Variants in TUBGCP3 observed in about 807,000 individuals in gnomAD.
TUBGCP3 encodes gamma-tubulin complex component 3.
A neutral mutation model predicts 123.1 loss-of-function variants in TUBGCP3; 50 were observed. The observed-to-expected ratio is 0.41, with a 90% CI of 0.32 to 0.51. The LOEUF is 0.51. Among genes scored for constraint, TUBGCP3 ranks in the 20% least tolerant of loss-of-function variants. The pLI, the probability that TUBGCP3 is intolerant of heterozygous loss-of-function variation, is 0.36. For missense variants in TUBGCP3, 882 were observed against 1,127.0 expected, an observed-to-expected ratio of 0.78 and a Z score of 3.11; for synonymous variants, 405 against 413.9, an observed-to-expected ratio of 0.98 and a Z score of 0.26.
intron 20 of TUBGCP3, among the ~76,000 whole-genome samples, chr13:112,495,553 A>G (rs748104292): frequency 6.6e-5 from 10 of 152,222 alleles, no homozygotes; most frequent in African/African-American, 9.6e-5. Context: ...ATGAATTACA[A>G]TATCTTTATT....
chr13:112,592,109 C>T (rs1250025529), upstream of TUBGCP3, among the ~76,000 whole-genome samples: 2 of 152,140 alleles, frequency 1.3e-5, no homozygotes, highest in Non-Finnish European at 2.9e-5. This position sits in a 1 kb window ranked among gnomAD's most constrained non-coding sequence, Gnocchi z 4.1. Flanking sequence ...GTGATAATGA[C>T]CTATGGCCAT....
intron 13 of TUBGCP3, among the ~76,000 whole-genome samples, chr13:112,523,543 A>G (rs1876799607): frequency 6.6e-6 from 1 of 152,222 alleles, no homozygotes; most frequent in Admixed American, 6.5e-5. Flanking sequence ...GAACCCCTTG[A>G]TGAGCTCACC....
rs995485619 is a variant in TUBGCP3, at chr13:112,524,290, C to CT, written c.1556-1782dup. Among the ~76,000 whole-genome samples the CT allele has an allele frequency of 1.7e-4, 26 of 152,110 alleles. No homozygotes were observed. The highest frequency in any genetic ancestry group is 3.2e-3 in the Middle Eastern group (1 of 316). On this transcript the variant is annotated intron_variant, in intron 13 of 21. Coordinates refer to ENST00000261965, the MANE Select transcript of TUBGCP3 (RefSeq NM_006322.6). This position sits in a 1 kb window ranked among gnomAD's most constrained non-coding sequence, Gnocchi z 4.4. ...TTTTGTGTATTTTTTTAGTGGCTGC[C>CT]TTTTTTTAAGTGTTTTTGATCCTCA...
At chr13:112,503,206 A>G (rs1324263078) in intron 19 of TUBGCP3, among the ~76,000 whole-genome samples, 1 of 152,226 alleles carries the variant, frequency 6.6e-6, no homozygotes, top group Non-Finnish European at 1.5e-5. Context: ...ATTTGCTTCA[A>G]GTGAAAGCAA....
chr13:112,580,342 TAA>T (rs1566594698), intron 1 of TUBGCP3, among the ~76,000 whole-genome samples: 2 of 151,726 alleles, frequency 1.3e-5, no homozygotes, highest in Non-Finnish European at 2.9e-5. Flanking sequence ...TTTCTATCAT[TAA>T]AAAAAAGTCA....
At chr13:112,498,811 C>T (rs1880692991) in intron 20 of TUBGCP3, 2 of 1,557,688 alleles carry the variant, frequency 1.3e-6, no homozygotes, top group Admixed American at 1.9e-5. Flanking sequence ...TTGTAATTCT[C>T]ATGAATGCTG....
At chr13:112,549,837 A>G (rs1566569656) in intron 8 of TUBGCP3, among the ~76,000 whole-genome samples, 1 of 151,814 alleles carries the variant, frequency 6.6e-6, no homozygotes, top group Non-Finnish European at 1.5e-5. Context: ...AAAAATACCA[A>G]AAATTAGCCG....
chr13:112,489,582 T>A lies in TUBGCP3; in HGVS notation c.2564A>T (p.Gln855Leu). The A allele has an allele frequency of 6.2e-7, 1 of 1,608,926 alleles. No individual in the cohort carries two copies. Among genetic ancestry groups the A allele is most frequent in the Non-Finnish European group, 8.5e-7 (1 of 1,175,184 alleles). ...GCCACTCTGTATCCTCATACACACC[T>A]GGTAGAAATGGGTCAATATTCGCAA... The part of the protein sequence containing the change: ...SQLRILTHFY[Q>L]GIVQQFLVLL... Residue 855 changes from glutamine (Q) to leucine (L), a missense_variant and splice_region_variant, in exon 21 of 22, where the codon CAG becomes CTG. Transcript: ENST00000261965.
chr13:112,523,053 T>C (rs1024891849), intron 13 of TUBGCP3, among the ~76,000 whole-genome samples: 11 of 152,196 alleles, frequency 7.2e-5, no homozygotes, highest in African/African-American at 2.7e-4. Flanking sequence ...GAAGAAAGCA[T>C]TTCCATAGCT....
chr13:112,565,158 C>T lies in TUBGCP3; in HGVS notation c.205G>A (p.Ala69Thr). The change falls in exon 3 of 22, where the codon GCA (alanine) becomes ACA (threonine). Residue 69 changes from alanine (A) to threonine (T), a missense_variant. Around this residue, in one of 3 missense-constraint regions of TUBGCP3, gnomAD observed 713 missense variants for 874.0 expected, o/e 0.82. Coordinates refer to ENST00000261965, the MANE Select transcript of TUBGCP3 (RefSeq NM_006322.6). ...AGTTCTGAAAATAATGCAGCATCTG[C>T]TTCTCTTCGTTGTCGAATAACTGAA... ...KKELIRQRREADAALFSELHR... is the reference protein window; with the variant it reads ...KKELIRQRRETDAALFSELHR... 1.2e-6 allele frequency: 2 copies of T among 1,613,492 alleles called. No individual in the cohort carries two copies. The highest frequency in any genetic ancestry group is 1.3e-5 in the African/African-American group (1 of 75,054).
chr13:112,562,663 G>C (rs1880609689), intron 3 of TUBGCP3, among the ~76,000 whole-genome samples: 1 of 152,126 alleles, frequency 6.6e-6, no homozygotes, highest in Non-Finnish European at 1.5e-5. Context: ...GAGGAAACCA[G>C]ATCATTCCCA....
intron 11 of TUBGCP3, among the ~76,000 whole-genome samples, chr13:112,530,620 T>C (rs1024697968): frequency 6.6e-6 from 1 of 152,216 alleles, no homozygotes; most frequent in Non-Finnish European, 1.5e-5. Flanking sequence ...TGTGTGGATT[T>C]TGGGATCCAC....
chr13:112,571,921 C>G (rs1463413343), intron 1 of TUBGCP3, among the ~76,000 whole-genome samples: 1 of 152,212 alleles, frequency 6.6e-6, no homozygotes, highest in Non-Finnish European at 1.5e-5. Context: ...TTCCTCACCT[C>G]TCTCAGCCTT....
At chr13:112,498,915 C>T (rs761086576) in intron 20 of TUBGCP3, 130 bp downstream of exon 20, 38 of 1,613,728 alleles carry the variant, frequency 2.4e-5, no homozygotes, top group Non-Finnish European at 2.7e-5. Context: ...GGACTTCAAA[C>T]GCAGTATAGG....
rs575304006 is a variant in TUBGCP3, at chr13:112,540,631, G to A, written c.1335+5068C>T. ...GGTGGTCTTGGGAAAGGACACCTGG[G>A]AATGAGGACGTCAATGTAGTAGCCC... On this transcript the variant is annotated intron_variant, in intron 11 of 21. Transcript: ENST00000261965. 4.6e-5 allele frequency among the ~76,000 whole-genome samples: 7 copies of A among 151,110 alleles called. No homozygotes were observed. In the East Asian group the frequency reaches 1.2e-3, roughly 25 times the overall value.
Position 112,516,612 on chromosome 13 carries a change from C to T in TUBGCP3, c.1951-37G>A, listed in dbSNP as rs1334909334. The T allele has an allele frequency of 3.1e-6, 5 of 1,601,566 alleles. No homozygotes were observed. In the Admixed American group the frequency reaches 8.5e-5, roughly 27 times the overall value. On this transcript the variant is annotated intron_variant, in intron 16 of 21. Coordinates refer to ENST00000261965, the MANE Select transcript of TUBGCP3 (RefSeq NM_006322.6). ...GCAGAAGACAAGTTGATAGTATTCC[C>T]ACGTAAGAATCCTCTCAGTACAGGT...
In TUBGCP3 at chr13:112,522,430, C is replaced by T; in HGVS notation, c.1635G>A (p.Leu545=). The T allele has an allele frequency of 6.2e-7, 1 of 1,614,146 alleles. No homozygotes were observed. The highest frequency in any genetic ancestry group is 8.5e-7 in the Non-Finnish European group (1 of 1,179,994). ...DAAYFETSKY[L]LDVLNKKYSL... ...TGTACTTTTTATTGAGAACATCCAACAGGTATTTGCTGGTCTCAAAATAAG... is the reference window on the plus strand; with the variant it reads ...TGTACTTTTTATTGAGAACATCCAATAGGTATTTGCTGGTCTCAAAATAAG... The change falls in exon 14 of 22, where the codon CTG becomes CTA. Residue 545 remains leucine (L), a synonymous_variant. Transcript: ENST00000261965.
At chr13:112,513,098 G>C (rs541762804) in intron 17 of TUBGCP3, among the ~76,000 whole-genome samples, 1 of 152,142 alleles carries the variant, frequency 6.6e-6, no homozygotes, top group African/African-American at 2.4e-5. Context: ...GAAGCTGAGG[G>C]AGAAAGAAAA....
upstream of TUBGCP3, among the ~76,000 whole-genome samples, chr13:112,588,429 A>G (rs1332965992): frequency 6.6e-6 from 1 of 152,206 alleles, no homozygotes; most frequent in African/African-American, 2.4e-5. Context: ...TGTTAACGGC[A>G]TTGGTTTGAT....
Sources: gnomAD v4.1 joint callset for allele counts (sites outside exome capture counted in the v4.1 genomes callset) on GRCh38, gnomAD v4.1.1 for gene constraint, gnomAD v4.1.1 regional missense constraint, Gnocchi (gnomAD v3.1) non-coding constraint, MANE v1.5 for transcripts, NCBI Gene and HGNC (gene_info 2026-07-23, HGNC 2026-07-21) for gene names.